The following MRPL13 variants were observed in gnomAD, a reference collection of about 807,000 sequenced individuals.
The protein encoded by MRPL13 is large ribosomal subunit protein uL13m.
MRPL13 carries 33 observed loss-of-function variants against 29.0 expected under a neutral mutation model. The ratio of observed to expected loss-of-function variants is 1.14; its 90% CI spans 0.86 to 1.52. The LOEUF is 1.52. MRPL13 is among the 40% of genes most tolerant of loss of function. The probability of loss-of-function intolerance (pLI) is 0.00; values close to 1 mark genes in which losing one functional copy is unlikely to be tolerated. For synonymous variants in MRPL13, 77 were observed against 68.4 expected (o/e 1.13, Z -0.62); for missense variants, 227 against 216.7 (o/e 1.05, Z -0.30).
intron 3 of MRPL13, among the ~76,000 whole-genome samples, chr8:120,427,542 C>A (rs567882574): frequency 6.6e-6 from 1 of 152,190 alleles, no homozygotes; most frequent in African/African-American, 2.4e-5. Flanking sequence ...AACAGTCAAG[C>A]GGAGAGTCAA....
At chr8:120,430,241 G>A (rs1004480429) in intron 3 of MRPL13, among the ~76,000 whole-genome samples, 2 of 152,068 alleles carry the variant, frequency 1.3e-5, no homozygotes, top group Non-Finnish European at 2.9e-5. Context: ...CAGCCAGGAT[G>A]ACAGAGCAAG....
In MRPL13 at chr8:120,420,692, G is replaced by T. The variant is rs369045279; in HGVS notation, c.307-754C>A. ...TGATTTAGTTATTAGCACTGAAATTGTTCAATGTTTTAAAAGTTGTAAATT... is the reference window on the plus strand; with the variant it reads ...TGATTTAGTTATTAGCACTGAAATTTTTCAATGTTTTAAAAGTTGTAAATT... On this transcript the variant is annotated intron_variant, in intron 4 of 6. Coordinates refer to ENST00000306185, the MANE Select transcript of MRPL13 (RefSeq NM_014078.6). Among the ~76,000 whole-genome samples the T allele has an allele frequency of 1.3e-3, 190 of 151,674 alleles. 1 individual carries two copies. Among genetic ancestry groups the T allele is most frequent in the African/African-American group, 4.3e-3 (180 of 41,466 alleles).
At chr8:120,401,933 A>T (rs1368891261) in intron 6 of MRPL13, among the ~76,000 whole-genome samples, 1 of 152,196 alleles carries the variant, frequency 6.6e-6, no homozygotes, top group East Asian at 1.9e-4. Flanking sequence ...CTAGGAATAC[A>T]GCTAACAAGG....
In MRPL13 at chr8:120,401,989, G is replaced by A. The variant is rs189740441; in HGVS notation, c.516-5864C>T. Among the ~76,000 whole-genome samples the A allele has an allele frequency of 2.5e-3, 384 of 152,270 alleles. 2 individuals carry two copies. Among genetic ancestry groups the A allele is most frequent in the African/African-American group, 8.9e-3 (368 of 41,534 alleles). ...GGAGAACTGCAAACCACTGCTCAAG[G>A]AAATCAGAGAGGACACAAACAAATG... is the stretch of plus-strand genomic sequence containing the variant. On this transcript the variant is annotated intron_variant, in intron 6 of 6. Transcript: ENST00000306185.
chr8:120,411,685 T>C (rs1812741068), intron 6 of MRPL13, among the ~76,000 whole-genome samples: 5 of 152,116 alleles, frequency 3.3e-5, no homozygotes, highest in Admixed American at 2.6e-4. Flanking sequence ...ATCACAACCT[T>C]AATAAAGCAT....
intron 2 of MRPL13, among the ~76,000 whole-genome samples, chr8:120,438,238 C>T (rs1813077386): frequency 6.6e-6 from 1 of 152,082 alleles, no homozygotes. Context: ...ATGGTACACG[C>T]CTATAGTCCC....
In MRPL13 at chr8:120,395,837, C is replaced by T. The variant is rs1276856180; in HGVS notation, c.*267G>A. ...GTCTGTTTTTTATCATTAAATGCAA[C>T]ACTAAATAGTCAACCAAGTAAGTGA... On this transcript the variant is annotated 3_prime_UTR_variant, in exon 7 of 7. Coordinates refer to ENST00000306185, the MANE Select transcript of MRPL13 (RefSeq NM_014078.6). The T allele has an allele frequency of 6.1e-6, 2 of 326,312 alleles. No individual in the cohort carries two copies. Among genetic ancestry groups the T allele is most frequent in the East Asian group, 6.1e-5 (1 of 16,442 alleles). The allele number at this position is 326,312 out of a possible 1,614,324, so 20.2% of individuals were successfully genotyped here.
At chr8:120,424,527 G>A (rs898114455) in intron 4 of MRPL13, among the ~76,000 whole-genome samples, 2 of 152,084 alleles carry the variant, frequency 1.3e-5, no homozygotes, top group African/African-American at 4.8e-5. Flanking sequence ...GCACTTGGGA[G>A]GCCGAGGTGG....
intron 2 of MRPL13, among the ~76,000 whole-genome samples, chr8:120,435,738 C>T (rs1020394546): frequency 6.6e-6 from 1 of 152,060 alleles, no homozygotes; most frequent in African/African-American, 2.4e-5. Context: ...ATTTGCACTC[C>T]CACCAGCAGT....
intron 1 of MRPL13, chr8:120,444,844 A>T: frequency 8.5e-6 from 3 of 352,066 alleles, no homozygotes; most frequent in Non-Finnish European, 5.6e-6. Flanking sequence ...CCCCCCCAAG[A>T]AAGACATGAA....
chr8:120,430,227 A>G (rs1812982682), intron 3 of MRPL13, among the ~76,000 whole-genome samples: 1 of 152,160 alleles, frequency 6.6e-6, no homozygotes, highest in African/African-American at 2.4e-5. Context: ...GTACCACTGC[A>G]CTCCAGCCAG....
At chr8:120,403,891 A>C (rs1294606026) in intron 6 of MRPL13, among the ~76,000 whole-genome samples, 1 of 152,166 alleles carries the variant, frequency 6.6e-6, no homozygotes, top group Non-Finnish European at 1.5e-5. Flanking sequence ...TTAAACTCTG[A>C]GCAACAAAGG....
In MRPL13 at chr8:120,432,049, C is replaced by G; in HGVS notation, c.226G>C (p.Val76Leu). The G allele has an allele frequency of 6.2e-7, 1 of 1,606,932 alleles. No individual in the cohort carries two copies. The highest frequency in any genetic ancestry group is 2.3e-5 in the East Asian group (1 of 44,430). ...AFSGNKWEQKVYSSHTGYPGG... is the reference protein window; with the variant it reads ...AFSGNKWEQKLYSSHTGYPGG... ...TCTTACCCAGTATGCGAAGAGTATA[C>G]TTTTTGTTCCCATTTGTTTCCAGAA... Residue 76 changes from valine (V) to leucine (L), a missense_variant, in exon 3 of 7, where the codon GTA (valine) becomes CTA (leucine). Physicochemically the swap from Val to Leu is conservative, Grantham distance 32 (BLOSUM62 1). Coordinates refer to ENST00000306185, the MANE Select transcript of MRPL13 (RefSeq NM_014078.6).
chr8:120,425,880 T>G (rs544060196), intron 3 of MRPL13, among the ~76,000 whole-genome samples: 5 of 152,200 alleles, frequency 3.3e-5, no homozygotes, highest in Non-Finnish European at 7.4e-5. Flanking sequence ...ATATAATATT[T>G]CATTGTGTTC....
At position 120,395,956 on chromosome 8, in the gene MRPL13, T is replaced by A; in HGVS notation, c.*148A>T. On this transcript the variant is annotated 3_prime_UTR_variant, in exon 7 of 7. Transcript: ENST00000306185. ...ATTACAATTTCCTATTGAAGGACTA[T>A]ACCTTCCTGACCTTTCCCCACAGTG... 3.4e-6 allele frequency: 2 copies of A among 593,232 alleles called. No homozygotes were observed. The highest frequency in any genetic ancestry group is 5.2e-4 in the Middle Eastern group (2 of 3,882). The allele number at this position is 593,232 out of a possible 1,614,324, so 36.7% of individuals were successfully genotyped here. A position where few individuals can be genotyped will look rare whatever the true frequency, so the allele number is the denominator to read the frequency against.
chr8:120,432,830 A>T (rs1006242752), intron 2 of MRPL13, among the ~76,000 whole-genome samples: 1 of 152,120 alleles, frequency 6.6e-6, no homozygotes, highest in African/African-American at 2.4e-5. Flanking sequence ...TAACATGTAC[A>T]TTTTCAAATA....
At chr8:120,422,988 G>A (rs1191967857) in intron 4 of MRPL13, among the ~76,000 whole-genome samples, 1 of 151,878 alleles carries the variant, frequency 6.6e-6, no homozygotes, top group African/African-American at 2.4e-5. Flanking sequence ...ACAAATATTA[G>A]AATCAGATCT....
intron 2 of MRPL13, among the ~76,000 whole-genome samples, chr8:120,435,333 C>T (rs562590488): frequency 6.6e-6 from 1 of 152,144 alleles, no homozygotes; most frequent in South Asian, 2.1e-4. Context: ...AAGCATAGTA[C>T]ACAATAGGTA....
Position 120,419,942 on chromosome 8 carries a change from A to C in MRPL13, c.307-4T>G. 6.3e-7 allele frequency: 1 copy of C among 1,578,836 alleles called. No homozygotes were observed. The highest frequency in any genetic ancestry group is 1.4e-5 in the African/African-American group (1 of 73,890). ...CATAAATAGCTAGTTTTACAATCTG[A>C]AAGATATACATAGGACACAATAAGA... On this transcript the variant is annotated splice_polypyrimidine_tract_variant and splice_region_variant and intron_variant, in intron 4 of 6. Coordinates refer to ENST00000306185, the MANE Select transcript of MRPL13 (RefSeq NM_014078.6).
Sources: allele counts gnomAD v4.1 joint callset (sites outside exome capture counted in the v4.1 genomes callset), GRCh38; gene constraint gnomAD v4.1.1; transcripts MANE v1.5; gene names NCBI Gene and HGNC (gene_info 2026-07-23, HGNC 2026-07-21).